ARHGAP15: variants seen among roughly 807,000 people sequenced by gnomAD.
ARHGAP15 encodes the protein Rho GTPase activating protein 15, also known as rho GTPase-activating protein 15.
A neutral mutation model predicts 63.7 loss-of-function variants in ARHGAP15; 51 were observed. The observed-to-expected ratio is 0.80, with a 90% CI of 0.64 to 1.01. ARHGAP15 has a LOEUF of 1.01. ARHGAP15 is among the 50% of genes least tolerant of loss of function. The pLI is 0.00. For missense variants in ARHGAP15, 560 were observed against 564.6 expected, an observed-to-expected ratio of 0.99 and a Z score of 0.08; for synonymous variants, 191 against 193.8, an observed-to-expected ratio of 0.99 and a Z score of 0.12.
intron 2 of ARHGAP15, among the ~76,000 whole-genome samples, chr2:143,170,499 G>A (rs1208605852): frequency 6.6e-6 from 1 of 152,106 alleles, no homozygotes; most frequent in Non-Finnish European, 1.5e-5. Flanking sequence ...CAAAACTCAA[G>A]CTTTCGACAT....
intron 12 of ARHGAP15, among the ~76,000 whole-genome samples, chr2:143,634,107 G>C (rs780604261): frequency 6.6e-6 from 1 of 151,992 alleles, no homozygotes; most frequent in Non-Finnish European, 1.5e-5. Context: ...CACCCACAAG[G>C]TCTCCAACTT....
At chr2:143,292,244 A>C (rs1682436796) in intron 6 of ARHGAP15, among the ~76,000 whole-genome samples, 1 of 152,134 alleles carries the variant, frequency 6.6e-6, no homozygotes, top group Non-Finnish European at 1.5e-5. Context: ...TAAAAGGAGA[A>C]AGTTAAGATC....
intron 6 of ARHGAP15, among the ~76,000 whole-genome samples, chr2:143,266,869 G>A (rs1681024953): frequency 6.6e-6 from 1 of 152,078 alleles, no homozygotes; most frequent in South Asian, 2.1e-4. Flanking sequence ...TCCATGTATG[G>A]CCCCTGTATC....
At chr2:143,465,083 C>T (rs1691136500) in intron 8 of ARHGAP15, among the ~76,000 whole-genome samples, 1 of 152,134 alleles carries the variant, frequency 6.6e-6, no homozygotes, top group South Asian at 2.1e-4. Flanking sequence ...TTATTCCTCC[C>T]TTTTAACCCA....
intron 12 of ARHGAP15, among the ~76,000 whole-genome samples, chr2:143,652,465 T>G (rs926042057): frequency 6.6e-6 from 1 of 152,086 alleles, no homozygotes; most frequent in Non-Finnish European, 1.5e-5. Context: ...TTATATATAT[T>G]TTTAAAAGCT....
At chr2:143,533,075 A>G (rs1020829394) in intron 10 of ARHGAP15, among the ~76,000 whole-genome samples, 1 of 152,240 alleles carries the variant, frequency 6.6e-6, no homozygotes, top group Non-Finnish European at 1.5e-5. Context: ...TTTCTAACAC[A>G]CAATGACACA....
chr2:143,247,535 G>A (rs182504188), intron 5 of ARHGAP15: 4 of 152,304 alleles, frequency 2.6e-5, no homozygotes, highest in African/African-American at 9.6e-5. Flanking sequence ...TTTTGAGATT[G>A]ACAAAGCTAG....
In ARHGAP15 at chr2:143,278,284, C is replaced by T. The variant is rs928772449; in HGVS notation, c.474+27684C>T. On this transcript the variant is annotated intron_variant, in intron 6 of 13. Transcript: ENST00000295095. ...GCAGATTGAAGGATTCTTTCTTATA[C>T]CTCTTGAAGATCAAAAAATGCTTCT... Among the ~76,000 whole-genome samples, 6 of 152,124 alleles carry T rather than the reference C, an allele frequency of 3.9e-5. No homozygotes were observed. In the South Asian group the frequency reaches 6.2e-4, roughly 16 times the overall value.
intron 2 of ARHGAP15, among the ~76,000 whole-genome samples, chr2:143,180,819 G>A (rs527322843): frequency 2.4e-4 from 36 of 151,962 alleles, no homozygotes; most frequent in East Asian, 1.2e-3. Flanking sequence ...GACTACAGGC[G>A]CCCACCAACA....
chr2:143,478,455 A>G (rs537556862), intron 8 of ARHGAP15, among the ~76,000 whole-genome samples: 1 of 152,302 alleles, frequency 6.6e-6, no homozygotes, highest in South Asian at 2.1e-4. Context: ...CCATCTCTCT[A>G]TGTCCTTAGA....
chr2:143,747,388 TTA>T (rs1686210869), intron 13 of ARHGAP15, among the ~76,000 whole-genome samples: 1 of 152,174 alleles, frequency 6.6e-6, no homozygotes, highest in South Asian at 2.1e-4. Context: ...GAGACATTAA[TTA>T]AAGTCCATAG....
intron 13 of ARHGAP15, among the ~76,000 whole-genome samples, chr2:143,756,442 A>T (rs1574932422): frequency 6.6e-6 from 1 of 152,090 alleles, no homozygotes. Flanking sequence ...TAATTTTTTT[A>T]TTGCTTAAAG....
chr2:143,697,012 T>C (rs990880705), intron 12 of ARHGAP15, among the ~76,000 whole-genome samples: 11 of 152,310 alleles, frequency 7.2e-5, no homozygotes, highest in African/African-American at 2.6e-4. Context: ...TTCTGGGGTT[T>C]GGGGAGAAGG....
At chr2:143,131,737 C>T (rs938033001) in intron 1 of ARHGAP15, among the ~76,000 whole-genome samples, 1 of 152,122 alleles carries the variant, frequency 6.6e-6, no homozygotes, top group Non-Finnish European at 1.5e-5. Context: ...CTTTCTCCCC[C>T]CAGTGGAATT....
chr2:143,658,219 T>G (rs547559788), intron 12 of ARHGAP15, among the ~76,000 whole-genome samples: 1 of 152,322 alleles, frequency 6.6e-6, no homozygotes, highest in East Asian at 1.9e-4. Flanking sequence ...GTGCATTATC[T>G]TGTTTACTCT....
At chr2:143,569,461 T>G (rs1696368139) in intron 11 of ARHGAP15, among the ~76,000 whole-genome samples, 1 of 152,152 alleles carries the variant, frequency 6.6e-6, no homozygotes, top group Non-Finnish European at 1.5e-5. Flanking sequence ...AGGAGACATT[T>G]GAATAGACAC....
At chr2:143,153,662 C>T (rs1317113048) in intron 1 of ARHGAP15, among the ~76,000 whole-genome samples, 1 of 151,964 alleles carries the variant, frequency 6.6e-6, no homozygotes, top group Non-Finnish European at 1.5e-5. Flanking sequence ...AAACTTTGCT[C>T]AATGTGATCC....
chr2:143,399,694 G>A (rs374593370), intron 6 of ARHGAP15, among the ~76,000 whole-genome samples: 15 of 152,048 alleles, frequency 9.9e-5, no homozygotes, highest in South Asian at 2.1e-4. Flanking sequence ...TCCTACAGTC[G>A]TTCACAGAGT....
chr2:143,323,744 G>A (rs1013902777), intron 6 of ARHGAP15, among the ~76,000 whole-genome samples: 8 of 151,474 alleles, frequency 5.3e-5, no homozygotes, highest in Non-Finnish European at 1.0e-4. Flanking sequence ...AAAATCAGCC[G>A]GGCGTTGTGG....
Sources: allele counts gnomAD v4.1 joint callset (sites outside exome capture counted in the v4.1 genomes callset), GRCh38; gene constraint gnomAD v4.1.1; transcripts MANE v1.5; gene names NCBI Gene and HGNC (gene_info 2026-07-23, HGNC 2026-07-21).